Variants in GALNT13 observed in about 807,000 individuals in gnomAD.
The protein encoded by GALNT13 is UDP-GalNAc:polypeptide N-acetylgalactosaminyltransferase 13.
In GALNT13, 28 loss-of-function variants were observed where a neutral mutation model predicts 64.2. The observed-to-expected ratio is 0.44, with a 90% CI of 0.32 to 0.60. The LOEUF is 0.60. Among genes scored for constraint, GALNT13 ranks in the 20% least tolerant of loss-of-function variants. GALNT13 has a pLI of 0.05. For synonymous variants in GALNT13, 214 were observed against 224.6 expected, an observed-to-expected ratio of 0.95 and a Z score of 0.42; for missense variants, 577 against 669.8, an observed-to-expected ratio of 0.86 and a Z score of 1.53.
chr2:153,811,740 T>TCTTAATA, the GALNT13 span, among the ~76,000 whole-genome samples: 6 of 152,176 alleles, frequency 3.9e-5, no homozygotes, highest in Non-Finnish European at 7.3e-5. Flanking sequence ...GTTTTTTCTG[T>TCTTAATA]GATGTCTTAA....
chr2:154,437,909 T>C (rs1349576907), intron 11 of GALNT13: 1 of 216,026 alleles, frequency 4.6e-6, no homozygotes, highest in Non-Finnish European at 9.6e-6. Context: ...TGTAAATAAA[T>C]TATTCACACC....
the GALNT13 span, among the ~76,000 whole-genome samples, chr2:153,606,277 G>A: frequency 1.5e-4 from 23 of 152,010 alleles, no homozygotes; most frequent in Non-Finnish European, 2.9e-4. Flanking sequence ...CTCTGCATGC[G>A]CTGAAAACTT....
At chr2:154,004,556 A>G (rs996319739) in intron 3 of GALNT13, among the ~76,000 whole-genome samples, 11 of 152,170 alleles carry the variant, frequency 7.2e-5, no homozygotes, top group African/African-American at 2.7e-4. Context: ...AGAACATGGA[A>G]CTTAAAATGA....
chr2:153,329,800 TTTTG>T, the GALNT13 span, among the ~76,000 whole-genome samples: 4 of 152,190 alleles, frequency 2.6e-5, no homozygotes, highest in African/African-American at 9.7e-5. Context: ...ATTTGTCAAT[TTTTG>T]TTTTTGTTGC....
the GALNT13 span, among the ~76,000 whole-genome samples, chr2:153,688,378 A>G: frequency 1.3e-5 from 2 of 152,030 alleles, no homozygotes; most frequent in African/African-American, 4.8e-5. Context: ...TGACTTTTCC[A>G]AGTTATTAGA....
chr2:153,258,368 C>CAAAAACAAAACA, the GALNT13 span, among the ~76,000 whole-genome samples: 22 of 51,678 alleles, frequency 4.3e-4, no homozygotes, highest in Non-Finnish European at 1.1e-3. Flanking sequence ...TCTGGTCTCC[C>CAAAAACAAAACA]AAAAACAAAA....
At chr2:154,312,623 T>A (rs749202038) in intron 9 of GALNT13, among the ~76,000 whole-genome samples, 3 of 152,226 alleles carry the variant, frequency 2.0e-5, no homozygotes, top group Non-Finnish European at 2.9e-5. Flanking sequence ...TGAAGTAAAG[T>A]CTATCTTAGC....
At chr2:153,205,889 A>T in the GALNT13 span, among the ~76,000 whole-genome samples, 1 of 151,934 alleles carries the variant, frequency 6.6e-6, no homozygotes, top group African/African-American at 2.4e-5. Context: ...ATTATTATTA[A>T]TTTTTCTAAT....
the GALNT13 span, among the ~76,000 whole-genome samples, chr2:153,108,979 A>C: frequency 6.6e-6 from 1 of 152,178 alleles, no homozygotes; most frequent in Non-Finnish European, 1.5e-5. Flanking sequence ...CTGGAGCCTC[A>C]ATTGAAGCCA....
At chr2:153,097,615 T>A in the GALNT13 span, among the ~76,000 whole-genome samples, 1 of 152,250 alleles carries the variant, frequency 6.6e-6, no homozygotes, top group African/African-American at 2.4e-5. Flanking sequence ...AAGTTTGATC[T>A]CTTTTGTCTG....
At chr2:154,413,507 A>C (rs918597061) in intron 11 of GALNT13, among the ~76,000 whole-genome samples, 1 of 151,934 alleles carries the variant, frequency 6.6e-6, no homozygotes, top group Non-Finnish European at 1.5e-5. Context: ...ATAAAAGCCA[A>C]ATTCTTTCCT....
At chr2:153,591,303 T>C in the GALNT13 span, among the ~76,000 whole-genome samples, 5 of 152,000 alleles carry the variant, frequency 3.3e-5, no homozygotes, top group African/African-American at 1.2e-4. Flanking sequence ...AAAGAAATAG[T>C]AGGTGACACA....
At chr2:153,779,177 C>A in the GALNT13 span, among the ~76,000 whole-genome samples, 1 of 148,834 alleles carries the variant, frequency 6.7e-6, no homozygotes, top group Non-Finnish European at 1.5e-5. Context: ...TATATCTTTC[C>A]TTTTTTTTTT....
At chr2:153,668,241 C>T in the GALNT13 span, among the ~76,000 whole-genome samples, 3 of 152,078 alleles carry the variant, frequency 2.0e-5, no homozygotes, top group Admixed American at 1.3e-4. Flanking sequence ...CTAAACACAA[C>T]ACTTGACCAA....
the GALNT13 span, among the ~76,000 whole-genome samples, chr2:153,416,749 C>A: frequency 6.6e-6 from 1 of 152,194 alleles, no homozygotes; most frequent in African/African-American, 2.4e-5. Context: ...AGATACTCCT[C>A]TATGTGATAT....
chr2:154,095,107 T>A (rs1702009483), intron 3 of GALNT13, among the ~76,000 whole-genome samples: 1 of 151,854 alleles, frequency 6.6e-6, no homozygotes, highest in Non-Finnish European at 1.5e-5. Flanking sequence ...GTTAGAAATG[T>A]TTTCAAAGGA....
At chr2:153,740,798 T>C in the GALNT13 span, among the ~76,000 whole-genome samples, 1 of 152,168 alleles carries the variant, frequency 6.6e-6, no homozygotes, top group African/African-American at 2.4e-5. Context: ...GTGAATGCTT[T>C]GCATATATGC....
At chr2:153,588,556 G>A in the GALNT13 span, among the ~76,000 whole-genome samples, 1 of 152,306 alleles carries the variant, frequency 6.6e-6, no homozygotes, top group Non-Finnish European at 1.5e-5. Context: ...AGCTGGAGTG[G>A]CTGGGATGCA....
chr2:153,328,361 C>T, the GALNT13 span, among the ~76,000 whole-genome samples: 2 of 152,160 alleles, frequency 1.3e-5, no homozygotes, highest in Non-Finnish European at 2.9e-5. Context: ...CTCTTCAGAG[C>T]CTGCAGGCAG....
Sources: gnomAD v4.1 joint callset for allele counts (sites outside exome capture counted in the v4.1 genomes callset) on GRCh38, gnomAD v4.1.1 for gene constraint, MANE v1.5 for transcripts, NCBI Gene and HGNC (gene_info 2026-07-23, HGNC 2026-07-21) for gene names.